ME3: variants seen among roughly 807,000 people sequenced by gnomAD.
The protein encoded by ME3 is NADP-dependent malic enzyme, mitochondrial.
ME3 carries 48 observed loss-of-function variants against 68.9 expected under a neutral mutation model. The ratio of observed to expected loss-of-function variants is 0.70; its 90% confidence interval spans 0.55 to 0.89. The LOEUF (loss-of-function observed/expected upper bound fraction) is 0.89, where lower values mean the gene tolerates loss of function less well. ME3 is among the 40% of genes least tolerant of loss of function. The pLI is 0.00. For missense variants in ME3, 675 were observed against 797.4 expected (o/e 0.85, Z 1.85); for synonymous variants, 320 against 318.8 (o/e 1.00, Z -0.04).
intron 2 of ME3, among the ~76,000 whole-genome samples, chr11:86,599,382 G>A (rs907917904): frequency 1.3e-4 from 20 of 152,272 alleles, no homozygotes; most frequent in Middle Eastern, 6.8e-3. Context: ...GAAATGAAGC[G>A]AGAAGGGAAG....
At chr11:86,588,309 A>G (rs558784285) in intron 2 of ME3, among the ~76,000 whole-genome samples, 1 of 152,340 alleles carries the variant, frequency 6.6e-6, no homozygotes, top group South Asian at 2.1e-4. Flanking sequence ...TCTCAGTCAA[A>G]GTAATACAAC....
chr11:86,649,412 G>A (rs1253871544), intron 2 of ME3, among the ~76,000 whole-genome samples: 1 of 152,194 alleles, frequency 6.6e-6, no homozygotes, highest in African/African-American at 2.4e-5. Flanking sequence ...ACAAGACAAG[G>A]ATGCCCTCTC....
intron 4 of ME3, among the ~76,000 whole-genome samples, chr11:86,514,070 T>C (rs1953723398): frequency 1.3e-5 from 2 of 152,128 alleles, no homozygotes; most frequent in Non-Finnish European, 2.9e-5. Context: ...CATGCTGTTC[T>C]TGTGATAGTG....
In ME3 at chr11:86,601,023, T is replaced by G. The variant is rs1182371792; in HGVS notation, c.184-41200A>C. On this transcript the variant is annotated intron_variant, in intron 2 of 14. Coordinates refer to ENST00000543262, the Ensembl canonical transcript of ME3. ...CAGGAAAGATCCAAAATTGACACCC[T>G]AACATCACAATGAAAAGAACTAGAA... Among the ~76,000 whole-genome samples, 690 of 151,378 alleles carry G rather than the reference T, an allele frequency of 4.6e-3. 2 individuals carry two copies. Among genetic ancestry groups the G allele is most frequent in the African/African-American group, 0.016 (651 of 40,816 alleles).
At position 86,643,674 on chromosome 11, in the gene ME3, T is replaced by G. The variant is rs1012769312; in HGVS notation, c.183+28088A>C. On this transcript the variant is annotated intron_variant, in intron 2 of 14. Coordinates refer to ENST00000543262, the Ensembl canonical transcript of ME3. ...TATTGATAACATACTTTTAATATAA[T>G]ATGAAACCTATTATACTGCTTTACT... 5.3e-5 allele frequency among the ~76,000 whole-genome samples: 8 copies of G among 152,232 alleles called. No homozygotes were observed. The South Asian group carries it at 1.7e-3, about 32-fold the overall frequency.
rs117673253 is a variant in ME3 at position 86,509,556 on chromosome 11, A to G, written c.468-689T>C. 4.2e-3 allele frequency among the ~76,000 whole-genome samples: 633 copies of G among 152,340 alleles called. 1 individual carries two copies. The highest frequency in any genetic ancestry group is 6.6e-3 in the Non-Finnish European group (446 of 68,034). On this transcript the variant is annotated intron_variant, in intron 4 of 14. Coordinates refer to ENST00000543262, the Ensembl canonical transcript of ME3. ...CAGCTTTTTGCCTGAAGGCAGTCCA[A>G]TCTGCAGGCAACTTGGGGCAACAGG... is the stretch of plus-strand genomic sequence containing the variant.
intron 2 of ME3, among the ~76,000 whole-genome samples, chr11:86,659,845 A>T (rs1010926229): frequency 1.3e-5 from 2 of 152,236 alleles, no homozygotes; most frequent in African/African-American, 4.8e-5. Context: ...AGAGACATAG[A>T]TGATAGCTGA....
chr11:86,559,698 G>T, exon 3 of ME3: 2 of 1,613,408 alleles, frequency 1.2e-6, no homozygotes, highest in Non-Finnish European at 1.7e-6. Context: ...ACTTGTCCAG[G>T]TCACTCTGCT....
chr11:86,538,547 T>C (rs1169988901), intron 4 of ME3, among the ~76,000 whole-genome samples: 3 of 152,122 alleles, frequency 2.0e-5, no homozygotes, highest in Non-Finnish European at 4.4e-5. Context: ...CTGACAATTC[T>C]TCCTCTCACT....
chr11:86,556,770 G>C, intron 3 of ME3, 68 bp from the exon 4 acceptor site: 1 of 1,536,902 alleles, frequency 6.5e-7, no homozygotes, highest in Non-Finnish European at 8.9e-7. Flanking sequence ...CTGTGGTGTG[G>C]TGCAAAGACC....
At chr11:86,550,825 T>G (rs1956630590) in intron 4 of ME3, among the ~76,000 whole-genome samples, 1 of 152,102 alleles carries the variant, frequency 6.6e-6, no homozygotes, top group African/African-American at 2.4e-5. Flanking sequence ...CTCCATTTAC[T>G]GGGGCAAGGT....
chr11:86,568,726 G>T (rs1957619811), intron 2 of ME3, among the ~76,000 whole-genome samples: 2 of 152,162 alleles, frequency 1.3e-5, no homozygotes, highest in Admixed American at 1.3e-4. Flanking sequence ...TTTGTCCAGG[G>T]GTCAGTCTCC....
downstream of ME3, among the ~76,000 whole-genome samples, chr11:86,438,750 G>T (rs1948911039): frequency 1.3e-5 from 2 of 151,958 alleles, no homozygotes; most frequent in South Asian, 4.2e-4. Flanking sequence ...ATTGACTTGA[G>T]ACTTTTTTTC....
At chr11:86,435,685 T>C in the ME3 span, 2 of 152,232 alleles carry the variant, frequency 1.3e-5, no homozygotes, top group Non-Finnish European at 2.9e-5. Flanking sequence ...CTGGGGTGTC[T>C]TCTCAGAGAA....
chr11:86,521,989 C>A (rs1289041897), intron 4 of ME3, among the ~76,000 whole-genome samples: 1 of 152,192 alleles, frequency 6.6e-6, no homozygotes, highest in Non-Finnish European at 1.5e-5. Flanking sequence ...GTGACTCATA[C>A]CTGTAATCCC....
chr11:86,588,484 A>G (rs970004033), intron 2 of ME3, among the ~76,000 whole-genome samples: 2 of 152,226 alleles, frequency 1.3e-5, no homozygotes, highest in African/African-American at 4.8e-5. Flanking sequence ...GACTAAATTC[A>G]TGTCCTACCA....
intron 6 of ME3, among the ~76,000 whole-genome samples, chr11:86,492,654 A>G (rs1158166144): frequency 1.3e-5 from 2 of 152,202 alleles, no homozygotes; most frequent in East Asian, 3.8e-4. Context: ...CCTTTATTCA[A>G]AGTGGGTGAA....
chr11:86,451,226 G>A (rs762845149), intron 8 of ME3, among the ~76,000 whole-genome samples: 18 of 152,160 alleles, frequency 1.2e-4, no homozygotes, highest in Non-Finnish European at 2.4e-4. Context: ...TGGTTTAGCT[G>A]GATGATCAGG....
chr11:86,454,121 A>G (rs994815227), intron 8 of ME3, among the ~76,000 whole-genome samples: 4 of 152,236 alleles, frequency 2.6e-5, no homozygotes, highest in Non-Finnish European at 4.4e-5. Flanking sequence ...AGGACTATTT[A>G]TGGCTTACTA....
Sources: allele counts gnomAD v4.1 joint callset (sites outside exome capture counted in the v4.1 genomes callset), GRCh38; gene constraint gnomAD v4.1.1; transcripts MANE v1.5; gene names NCBI Gene and HGNC (gene_info 2026-07-23, HGNC 2026-07-21).